The following PDZRN4 variants were observed in gnomAD, a reference collection of about 807,000 sequenced individuals.
PDZRN4 encodes the protein PDZ domain containing ring finger 4.
A neutral mutation model predicts 99.0 loss-of-function variants in PDZRN4; 70 were observed. That is an observed-to-expected ratio of 0.71 (90% CI 0.58 to 0.86). The LOEUF (loss-of-function observed/expected upper bound fraction) is 0.86, where lower values mean the gene tolerates loss of function less well. Among genes scored for constraint, PDZRN4 ranks in the 40% least tolerant of loss-of-function variants. The pLI is 0.00. For missense variants in PDZRN4, 1,474 were observed against 1,331.2 expected (o/e 1.11, Z -1.67); for synonymous variants, 551 against 501.6 (o/e 1.10, Z -1.32).
intron 5 of PDZRN4, among the ~76,000 whole-genome samples, chr12:41,545,540 TG>T (rs755772186): frequency 2.3e-4 from 34 of 148,724 alleles, no homozygotes; most frequent in Non-Finnish European, 4.7e-4. Context: ...TGTGTGTGTG[TG>T]TGTGTGTGTG....
intron 3 of PDZRN4, among the ~76,000 whole-genome samples, chr12:41,237,307 A>C (rs1951074216): frequency 6.6e-6 from 1 of 152,072 alleles, no homozygotes; most frequent in African/African-American, 2.4e-5. Context: ...TTTTCTCATA[A>C]AATGGAAGTA....
intron 3 of PDZRN4, among the ~76,000 whole-genome samples, chr12:41,352,102 G>T (rs1592024046): frequency 1.3e-5 from 2 of 152,054 alleles, no homozygotes; most frequent in East Asian, 3.9e-4. Flanking sequence ...GGATGTATTG[G>T]ATTACACCGT....
Position 41,572,515 on chromosome 12 carries a change from G to T in PDZRN4, c.1736G>T (p.Ser579Ile). The T allele has an allele frequency of 6.2e-7, 1 of 1,614,094 alleles. No individual in the cohort carries two copies. The highest frequency in any genetic ancestry group is 8.5e-7 in the Non-Finnish European group (1 of 1,180,002). The change falls in exon 10 of 10, where the codon AGC becomes ATC. Residue 579 changes from serine to isoleucine, a missense_variant. Ser to Ile is a moderately radical substitution (Grantham distance 142, BLOSUM62 -2). Transcript: ENST00000402685. The stretch of plus-strand genomic sequence containing the variant: ...GAGAATGCAGCCGAGGACCCCAATA[G>T]CACATCTTTGAAGAGCAAGAGAGAC... ...EQENAAEDPN[S>I]TSLKSKRDLG...
In PDZRN4 at chr12:41,573,027, C is replaced by T. The variant is rs1939511183; in HGVS notation, c.2248C>T (p.Leu750Phe). 1.9e-6 allele frequency: 3 copies of T among 1,614,188 alleles called. No individual in the cohort carries two copies. The highest frequency in any genetic ancestry group is 2.5e-6 in the Non-Finnish European group (3 of 1,180,028). ...NTAESCRSTPLTVDRSPDSSL... is the reference protein window; with the variant it reads ...NTAESCRSTPFTVDRSPDSSL... ...AGCTGAGAGCTGCAGAAGTACTCCGCTCACTGTAGACCGTTCCCCTGACAG... is the reference window on the plus strand; with the variant it reads ...AGCTGAGAGCTGCAGAAGTACTCCGTTCACTGTAGACCGTTCCCCTGACAG... The change falls in exon 10 of 10, where the codon CTC (leucine) becomes TTC (phenylalanine). Residue 750 changes from leucine (L) to phenylalanine (F), a missense_variant. Transcript: ENST00000402685.
chr12:41,212,743 G>A (rs76309574), intron 3 of PDZRN4, among the ~76,000 whole-genome samples: 72 of 152,076 alleles, frequency 4.7e-4, no homozygotes, highest in African/African-American at 1.7e-3. Flanking sequence ...GATGTAGAGT[G>A]GGTGGTTTTT....
chr12:41,368,161 C>T (rs1047563879), intron 3 of PDZRN4, among the ~76,000 whole-genome samples: 1 of 152,016 alleles, frequency 6.6e-6, no homozygotes, highest in Non-Finnish European at 1.5e-5. Flanking sequence ...CACCATTTGC[C>T]TGCCTTTACT....
intron 3 of PDZRN4, among the ~76,000 whole-genome samples, chr12:41,276,896 T>C (rs974908552): frequency 2.6e-5 from 4 of 152,156 alleles, no homozygotes; most frequent in African/African-American, 9.7e-5. Context: ...AGAGACCCAG[T>C]TCTACTTTAA....
chr12:41,266,310 C>CAAAAAAAAAAAAAAA (rs777855203), intron 3 of PDZRN4, among the ~76,000 whole-genome samples: 1 of 11,678 alleles, frequency 8.6e-5, no homozygotes, highest in African/African-American at 4.9e-4. Flanking sequence ...GACTCCGTCT[C>CAAAAAAAAAAAAAAA]AAAAAAAAAA....
chr12:41,481,307 A>G (rs1415080262), intron 3 of PDZRN4, among the ~76,000 whole-genome samples: 4 of 151,946 alleles, frequency 2.6e-5, no homozygotes, highest in African/African-American at 9.7e-5. Context: ...TTGCTCTCCA[A>G]TCCTCAGTTT....
At chr12:41,289,190 C>A (rs1162584409) in intron 3 of PDZRN4, among the ~76,000 whole-genome samples, 1 of 152,112 alleles carries the variant, frequency 6.6e-6, no homozygotes, top group African/African-American at 2.4e-5. Flanking sequence ...AACTAAGTAT[C>A]CATATATTAA....
intron 3 of PDZRN4, among the ~76,000 whole-genome samples, chr12:41,374,807 A>G (rs1450161579): frequency 6.6e-6 from 1 of 151,956 alleles, no homozygotes; most frequent in Admixed American, 6.6e-5. Context: ...CTTTTATACT[A>G]CTCTCTTAAA....
intron 3 of PDZRN4, among the ~76,000 whole-genome samples, chr12:41,354,208 G>T (rs2049592): frequency 0.86 from 130,891 of 152,074 alleles, 57,037 homozygotes; most frequent in Middle Eastern, 0.95. Flanking sequence ...TAATAAGGTA[G>T]GTGTCAGGTA....
At chr12:41,334,868 T>C (rs546525679) in intron 3 of PDZRN4, among the ~76,000 whole-genome samples, 1 of 152,280 alleles carries the variant, frequency 6.6e-6, no homozygotes, top group African/African-American at 2.4e-5. Flanking sequence ...ATAAGATTTT[T>C]TTTTCAAACC....
At chr12:41,205,470 C>G (rs1048216814) in intron 3 of PDZRN4, among the ~76,000 whole-genome samples, 12 of 151,942 alleles carry the variant, frequency 7.9e-5, no homozygotes, top group African/African-American at 2.7e-4. Flanking sequence ...GTCCACCCTC[C>G]CCTTAGCTCA....
intron 3 of PDZRN4, among the ~76,000 whole-genome samples, chr12:41,405,296 A>G (rs566809547): frequency 6.4e-4 from 97 of 152,322 alleles, no homozygotes; most frequent in African/African-American, 2.0e-3. Context: ...GGACATGAAC[A>G]GACACTTCTC....
intron 5 of PDZRN4, among the ~76,000 whole-genome samples, chr12:41,520,628 A>ACG (rs1423650864): frequency 2.0e-5 from 2 of 100,988 alleles, no homozygotes; most frequent in Non-Finnish European, 4.7e-5. Context: ...AGACACACAC[A>ACG]CACACACACA....
At chr12:41,480,960 C>T (rs1937663360) in intron 3 of PDZRN4, among the ~76,000 whole-genome samples, 2 of 149,986 alleles carry the variant, frequency 1.3e-5, no homozygotes, top group Non-Finnish European at 3.0e-5. Flanking sequence ...AAAACAAAGC[C>T]TTAAATTACA....
chr12:41,298,478 G>T (rs1208518719), intron 3 of PDZRN4, among the ~76,000 whole-genome samples: 4 of 152,054 alleles, frequency 2.6e-5, no homozygotes, highest in Non-Finnish European at 5.9e-5. Context: ...TTCATCCCCT[G>T]TGATACTAGT....
Position 41,342,079 on chromosome 12 carries a change from G to A in PDZRN4, c.843+147891G>A, listed in dbSNP as rs116722720. Among the ~76,000 whole-genome samples the A allele has an allele frequency of 3.1e-3, 469 of 151,910 alleles. 5 individuals are homozygous for A. The highest frequency in any genetic ancestry group is 0.011 in the African/African-American group (446 of 41,498). On this transcript the variant is annotated intron_variant, in intron 3 of 9. Coordinates refer to ENST00000402685, the MANE Select transcript of PDZRN4 (RefSeq NM_001164595.2). ...CAGCCAACTGATTTTTGACAAAGGT[G>A]GCACAATATATATTGGGAAAAAGAT...
Sources: gnomAD v4.1 joint callset for allele counts (sites outside exome capture counted in the v4.1 genomes callset) on GRCh38, gnomAD v4.1.1 for gene constraint, MANE v1.5 for transcripts, NCBI Gene and HGNC (gene_info 2026-07-23, HGNC 2026-07-21) for gene names.